The following DYSF variants were observed in gnomAD, a reference collection of about 807,000 sequenced individuals.
DYSF encodes dystrophy-associated fer-1-like 1.
DYSF carries 212 observed loss-of-function variants against 274.9 expected under a neutral mutation model. The ratio of observed to expected loss-of-function variants is 0.77; its 90% CI spans 0.69 to 0.86. DYSF has a LOEUF of 0.86. Among genes scored for constraint, DYSF ranks in the 40% least tolerant of loss-of-function variants. The probability of loss-of-function intolerance (pLI) is 0.00; values close to 1 mark genes in which losing one functional copy is unlikely to be tolerated. For synonymous variants in DYSF, 1,091 were observed against 1,078.7 expected (o/e 1.01, Z -0.22); for missense variants, 2,666 against 2,783.2 (o/e 0.96, Z 0.95).
intron 42 of DYSF, among the ~76,000 whole-genome samples, chr2:71,649,521 C>A (rs2094620702): frequency 6.6e-6 from 1 of 151,846 alleles, no homozygotes; most frequent in Admixed American, 6.6e-5. Context: ...ACAGTAGGGA[C>A]CCCATAAATA....
intron 5 of DYSF, among the ~76,000 whole-genome samples, chr2:71,512,977 C>G (rs920165996): frequency 6.6e-6 from 1 of 151,980 alleles, no homozygotes; most frequent in African/African-American, 2.4e-5. Context: ...GGGTGGGGAG[C>G]AGGGAGGGTC....
At chr2:71,526,504 G>C (rs1157452489) in intron 13 of DYSF, among the ~76,000 whole-genome samples, 158 bp downstream of exon 13, 2 of 152,254 alleles carry the variant, frequency 1.3e-5, no homozygotes, top group African/African-American at 4.8e-5. Context: ...TGCTGGTGGA[G>C]TTACAAAGAT....
intron 1 of DYSF, among the ~76,000 whole-genome samples, chr2:71,460,377 C>T (rs537800903): frequency 2.0e-5 from 3 of 152,184 alleles, no homozygotes; most frequent in Admixed American, 1.3e-4. Flanking sequence ...CAATTAGTCT[C>T]CTGGCTACAT....
At chr2:71,618,071 T>TATAA (rs2093954398) in intron 40 of DYSF, among the ~76,000 whole-genome samples, 7 of 66,282 alleles carry the variant, frequency 1.1e-4, no homozygotes, top group Admixed American at 1.8e-4. Flanking sequence ...AGAGATGGGG[T>TATAA]GTGTGTGTGG....
rs543489763 is a variant in DYSF at position 71,633,242 on chromosome 2, G to A, written c.4528-10723G>A. Among the ~76,000 whole-genome samples the A allele has an allele frequency of 1.4e-4, 21 of 152,346 alleles. 1 individual carries two copies. The South Asian group carries it at 2.9e-3, about 21-fold the overall frequency. On this transcript the variant is annotated intron_variant, in intron 41 of 55. Transcript: ENST00000410020. Reference sequence around the variant, plus strand: ...AGTGATTTGGTATACACAGGGTGGAGTAGTTTTGAAGTCGGAGTATTTGCA... The same window carrying A: ...AGTGATTTGGTATACACAGGGTGGAATAGTTTTGAAGTCGGAGTATTTGCA...
intron 43 of DYSF, 77 bp downstream of exon 43, chr2:71,656,367 C>T (rs1393562930): frequency 3.1e-6 from 5 of 1,596,166 alleles, no homozygotes; most frequent in Admixed American, 1.7e-5. Flanking sequence ...GGGGAGGGGT[C>T]GTACCTACAC....
chr2:71,593,516 G>GA (rs1056688127), intron 32 of DYSF, among the ~76,000 whole-genome samples: 6 of 152,174 alleles, frequency 3.9e-5, no homozygotes, highest in African/African-American at 1.4e-4. Flanking sequence ...GCTTTGAAAT[G>GA]AAAGGCTATG....
At position 71,543,855 on chromosome 2, in the gene DYSF, AGAGAGGGAGAGGGAGACCGTGGG is replaced by A. The variant is rs1199108113; in HGVS notation, c.1576+4633_1576+4655del. On this transcript the variant is annotated intron_variant, in intron 17 of 55. Transcript: ENST00000410020. ...TCGGCATCAGAGGGAGACCGTGGAA[AGAGAGGGAGAGGGAGACCGTGGG>A]GAGAGGGAGAGGGAGAGGGAGACCG... Among the ~76,000 whole-genome samples, 1,349 of 145,564 alleles carry A rather than the reference AGAGAGGGAGAGGGAGACCGTGGG, an allele frequency of 9.3e-3. 23 individuals carry two copies. The highest frequency in any genetic ancestry group is 0.035 in the African/African-American group (1,279 of 36,492).
chr2:71,491,452 G>C (rs995205289), intron 3 of DYSF, among the ~76,000 whole-genome samples: 1 of 152,216 alleles, frequency 6.6e-6, no homozygotes, highest in African/African-American at 2.4e-5. Context: ...TACAGGTGCA[G>C]GTTTCTTACA....
intron 32 of DYSF, among the ~76,000 whole-genome samples, chr2:71,597,322 T>C (rs1301127450): frequency 1.3e-5 from 2 of 152,052 alleles, no homozygotes; most frequent in Non-Finnish European, 2.9e-5. Context: ...ATTGAGTGCA[T>C]GGTTAGGCAC....
In DYSF at chr2:71,669,495, T is replaced by C. The variant is rs929667379; in HGVS notation, c.5643-110T>C. Reference sequence around the variant, plus strand: ...CGTGCCGATTTCCTGGGAATTCTTTTTGCGATAAGCTCATTTACCTTCTTA... The same window carrying C: ...CGTGCCGATTTCCTGGGAATTCTTTCTGCGATAAGCTCATTTACCTTCTTA... On this transcript the variant is annotated intron_variant, in intron 50 of 55. Transcript: ENST00000410020. 3 of 1,372,890 alleles carry C rather than the reference T, an allele frequency of 2.2e-6. No individual in the cohort carries two copies. The Admixed American group carries it at 5.2e-5, about 24-fold the overall frequency. The allele number at this position is 1,372,890 out of a possible 1,614,324, so 85.0% of individuals were successfully genotyped here. A position where few individuals can be genotyped will look rare whatever the true frequency, so the allele number is the denominator to read the frequency against.
At chr2:71,638,319 G>T (rs1348560834) in intron 41 of DYSF, among the ~76,000 whole-genome samples, 1 of 144,932 alleles carries the variant, frequency 6.9e-6, no homozygotes, top group Admixed American at 7.0e-5. Flanking sequence ...ACAGAGTTGT[G>T]CAACCATGAC....
intron 1 of DYSF, among the ~76,000 whole-genome samples, chr2:71,455,547 C>G (rs2081025524): frequency 6.6e-6 from 1 of 152,228 alleles, no homozygotes; most frequent in South Asian, 2.1e-4. Flanking sequence ...TCTCCGCATC[C>G]TCAGCTCTGG....
chr2:71,640,900 C>T (rs1254925647), intron 41 of DYSF, among the ~76,000 whole-genome samples: 1 of 152,124 alleles, frequency 6.6e-6, no homozygotes, highest in Non-Finnish European at 1.5e-5. Flanking sequence ...TCTTGGCCTC[C>T]TGTCTTTTTT....
chr2:71,673,248 A>G (rs1262588906), intron 51 of DYSF, among the ~76,000 whole-genome samples: 5 of 152,214 alleles, frequency 3.3e-5, no homozygotes, highest in South Asian at 2.1e-4. Flanking sequence ...CCCTAGTGAC[A>G]GTGCTGTGGG....
chr2:71,526,415 C>CCCTGGGGGGGGG, intron 13 of DYSF, 69 bp downstream of exon 13: 1 of 411,244 alleles, frequency 2.4e-6, no homozygotes, highest in Admixed American at 3.8e-5. Context: ...TGGGGGTGGG[C>CCCTGGGGGGGGG]GATGGCGGGC....
intron 30 of DYSF, among the ~76,000 whole-genome samples, chr2:71,586,895 A>G (rs1419840128): frequency 6.6e-6 from 1 of 152,026 alleles, no homozygotes; most frequent in Non-Finnish European, 1.5e-5. Context: ...AGGTAGACGG[A>G]CCACAGAGTC....
intron 17 of DYSF, among the ~76,000 whole-genome samples, chr2:71,550,385 C>G (rs2090845768): frequency 6.6e-6 from 1 of 151,756 alleles, no homozygotes; most frequent in Admixed American, 6.6e-5. Flanking sequence ...CTGACCTGCT[C>G]TGTTAAAAAA....
chr2:71,681,002 G>T lies in DYSF; in HGVS notation c.6065G>T (p.Gly2022Val). The T allele has an allele frequency of 1.2e-6, 2 of 1,614,064 alleles. No homozygotes were observed. The highest frequency in any genetic ancestry group is 1.7e-5 in the Admixed American group (1 of 60,026). The change falls in exon 54 of 56, where the codon GGC becomes GTC. Residue 2022 changes from glycine to valine, a missense_variant and splice_region_variant. Gly to Val is a moderately radical substitution (Grantham distance 109, BLOSUM62 -3). Around this residue, in one of 3 missense-constraint regions of DYSF, gnomAD observed 1,460 missense variants for 1,502.1 expected, o/e 0.97. Coordinates refer to ENST00000410020, the MANE Select transcript of DYSF (RefSeq NM_001130987.2). The stretch of plus-strand genomic sequence containing the variant: ...ACCAAGTGCTCTCTGTCCCCTCAGG[G>T]CAAGCTGGAAATGACCTTGGAGATT... ...AEEGEKKILA[G>V]KLEMTLEIVA...
Sources: gnomAD v4.1 joint callset for allele counts (sites outside exome capture counted in the v4.1 genomes callset) on GRCh38, gnomAD v4.1.1 for gene constraint, gnomAD v4.1.1 regional missense constraint, MANE v1.5 for transcripts, NCBI Gene and HGNC (gene_info 2026-07-23, HGNC 2026-07-21) for gene names.